MIEF1: variants seen among roughly 807,000 people sequenced by gnomAD.
MIEF1 encodes mitochondrial elongation factor 1, also known as mitochondrial dynamics protein MIEF1.
A neutral mutation model predicts 35.1 loss-of-function variants in MIEF1; 14 were observed. That is an observed-to-expected ratio of 0.40 (90% CI 0.26 to 0.62). The LOEUF is 0.62. Among genes scored for constraint, MIEF1 ranks in the 20% least tolerant of loss-of-function variants. The pLI, the probability that MIEF1 is intolerant of heterozygous loss-of-function variation, is 0.43. For missense variants in MIEF1, 542 were observed against 615.4 expected, an observed-to-expected ratio of 0.88 and a Z score of 1.26; for synonymous variants, 245 against 254.3, an observed-to-expected ratio of 0.96 and a Z score of 0.35.
In MIEF1 at chr22:39,512,432, A is replaced by C. The variant is rs768941796; in HGVS notation, c.523A>C (p.Lys175Gln). The change falls in exon 5 of 6, where the codon AAG becomes CAG. Residue 175 changes from lysine (K) to glutamine (Q), a missense_variant. Coordinates refer to ENST00000325301, the MANE Select transcript of MIEF1 (RefSeq NM_019008.6). ...CGAGCTCCGGAGCTTCCTGCGGGCC[A>C]AGTTGCCTGACATGCCGCTTCGGGA... ...CAELRSFLRA[K>Q]LPDMPLRDMY... is the part of the protein sequence containing the mutation. The C allele has an allele frequency of 4.3e-6, 7 of 1,613,996 alleles. No homozygotes were observed. The highest frequency in any genetic ancestry group is 1.7e-5 in the Admixed American group (1 of 60,004).
rs778983712 is a variant in MIEF1, at chr22:39,512,402, T to C, written c.493T>C (p.Cys165Arg). The C allele has an allele frequency of 2.5e-6, 4 of 1,614,204 alleles. No homozygotes were observed. Among genetic ancestry groups the C allele is most frequent in the South Asian group, 1.1e-5 (1 of 91,090 alleles). The part of the protein sequence containing the change: ...ARAKQAAVDI[C>R]AELRSFLRAK... ...GGCCAAGCAAGCTGCTGTGGACATA[T>C]GTGCCGAGCTCCGGAGCTTCCTGCG... The change falls in exon 5 of 6, where the codon TGT (cysteine) becomes CGT (arginine). Residue 165 changes from cysteine (C) to arginine (R), a missense_variant. Physicochemically the swap from Cys to Arg is radical, Grantham distance 180 (BLOSUM62 -3). Transcript: ENST00000325301.
At chr22:39,505,607 G>A (rs1929975268) in intron 2 of MIEF1, among the ~76,000 whole-genome samples, 1 of 152,210 alleles carries the variant, frequency 6.6e-6, no homozygotes, top group Non-Finnish European at 1.5e-5. Flanking sequence ...TTGACTCCAA[G>A]TTGAGATTGT....
Position 39,514,287 on chromosome 22 carries a change from C to G in MIEF1, c.1356C>G (p.Cys452Trp). Residue 452 changes from cysteine (C) to tryptophan (W), a missense_variant, in exon 6 of 6, where the codon TGC becomes TGG. Transcript: ENST00000325301. ...ACGAATTAGGATACACTCTGTATTGCTCATTGTCTGAGCCAGAGGTGCTGC... is the reference window on the plus strand; with the variant it reads ...ACGAATTAGGATACACTCTGTATTGGTCATTGTCTGAGCCAGAGGTGCTGC... The part of the protein sequence containing the change: ...EIDELGYTLY[C>W]SLSEPEVLLQ... 6.2e-7 allele frequency: 1 copy of G among 1,614,066 alleles called. No individual in the cohort carries two copies. The highest frequency in any genetic ancestry group is 8.5e-7 in the Non-Finnish European group (1 of 1,180,026).
chr22:39,514,521 C>T lies in MIEF1; in HGVS notation c.*198C>T, dbSNP rs1656387305. The T allele has an allele frequency of 3.2e-6, 2 of 616,108 alleles. No individual in the cohort carries two copies. The highest frequency in any genetic ancestry group is 5.6e-6 in the Non-Finnish European group (2 of 355,900). 38.2% of individuals were successfully genotyped at this position (616,108 alleles called of 1,614,324 possible). On this transcript the variant is annotated 3_prime_UTR_variant, in exon 6 of 6. Transcript: ENST00000325301. ...TACCCAACTCTTCCTATTTTTGTTA[C>T]CAATCACTGTGCTCTCTGCCGCCCC...
chr22:39,509,560 T>G (rs1930227871), intron 2 of MIEF1: 1 of 152,326 alleles, frequency 6.6e-6, no homozygotes, highest in Non-Finnish European at 1.5e-5. Flanking sequence ...GGTGCCCAAG[T>G]ACTTCTTTCA....
intron 5 of MIEF1, 95 bp from the exon 6 acceptor site, chr22:39,513,422 T>G: frequency 3.9e-6 from 5 of 1,295,880 alleles, no homozygotes. Flanking sequence ...CCATTCTTGC[T>G]GGGGGGGAAT....
At chr22:39,501,188 G>A (rs572107722), upstream of MIEF1, among the ~76,000 whole-genome samples, 5 of 152,228 alleles carry the variant, frequency 3.3e-5, no homozygotes, top group South Asian at 1.0e-3. Context: ...CTCTTTCCCA[G>A]CTCCTGCTCA....
chr22:39,506,425 A>T (rs1384503536), intron 2 of MIEF1, among the ~76,000 whole-genome samples: 1 of 152,204 alleles, frequency 6.6e-6, no homozygotes, highest in African/African-American at 2.4e-5. Context: ...TTACTGACAC[A>T]GTGACCTTGG....
In MIEF1 at chr22:39,517,259, TAAATTCCAG is replaced by T. The variant is rs1416096450; in HGVS notation, c.*2938_*2946del. 5.0e-6 allele frequency: 1 copy of T among 198,864 alleles called. No individual in the cohort carries two copies. The highest frequency in any genetic ancestry group is 1.1e-5 in the Non-Finnish European group (1 of 94,470). 12.3% of individuals were successfully genotyped at this position (198,864 alleles called of 1,614,324 possible). A position where few individuals can be genotyped will look rare whatever the true frequency, so the allele number is the denominator to read the frequency against. Reference sequence around the variant, plus strand: ...AATGCACTCATTATCTTAAACCTAATAAATTCCAGAGTTTATTTTGGTTCTCCTCTGTTG... The same window carrying T: ...AATGCACTCATTATCTTAAACCTAATAGTTTATTTTGGTTCTCCTCTGTTG... On this transcript the variant is annotated 3_prime_UTR_variant, in exon 6 of 6. Transcript: ENST00000325301.
chr22:39,516,596 G>C lies in MIEF1; in HGVS notation c.*2273G>C, dbSNP rs901277292. ...CAGGCGCCTATAATCCCAGCTACTC[G>C]GGAGGCTGAGGCAGGAGAATAACTT... On this transcript the variant is annotated 3_prime_UTR_variant, in exon 6 of 6. Coordinates refer to ENST00000325301, the MANE Select transcript of MIEF1 (RefSeq NM_019008.6). The C allele has an allele frequency of 6.6e-6, 1 of 152,216 alleles. No individual in the cohort carries two copies. The highest frequency in any genetic ancestry group is 1.9e-4 in the East Asian group (1 of 5,202). The allele number at this position is 152,216 out of a possible 1,614,324, so 9.4% of individuals were successfully genotyped here.
intron 2 of MIEF1, among the ~76,000 whole-genome samples, chr22:39,507,731 G>A (rs1482819212): frequency 6.6e-6 from 1 of 151,864 alleles, no homozygotes; most frequent in East Asian, 2.0e-4. Flanking sequence ...AGGGTGTGGT[G>A]GCTCATGCCT....
intron 3 of MIEF1, 55 bp downstream of exon 3, chr22:39,511,493 G>A (rs1930338316): frequency 6.8e-7 from 1 of 1,477,244 alleles, no homozygotes; most frequent in South Asian, 1.4e-5. Flanking sequence ...GTCATAAGAT[G>A]TAATGTTTTA....
At chr22:39,502,196 A>T (rs565839540), upstream of MIEF1, 19 of 151,318 alleles carry the variant, frequency 1.3e-4, no homozygotes, top group African/African-American at 4.6e-4. Flanking sequence ...GAGGTCACAC[A>T]CGGAGGCGGG....
intron 2 of MIEF1, among the ~76,000 whole-genome samples, chr22:39,509,152 C>T (rs939278690): frequency 3.9e-5 from 6 of 152,176 alleles, no homozygotes; most frequent in Non-Finnish European, 7.4e-5. Context: ...GATGGGGTTT[C>T]ACTATGTTGG....
chr22:39,511,364 C>T lies in MIEF1; in HGVS notation c.70C>T (p.Leu24Phe), dbSNP rs572762304. 1.2e-6 allele frequency: 2 copies of T among 1,613,132 alleles called. No individual in the cohort carries two copies. Among genetic ancestry groups the T allele is most frequent in the African/African-American group, 1.3e-5 (1 of 75,038 alleles). The change falls in exon 3 of 6, where the codon CTC (leucine) becomes TTC (phenylalanine). Residue 24 changes from leucine (L) to phenylalanine (F), a missense_variant. Transcript: ENST00000325301. ...NGIGTAIDFV[L>F]SNARLVLGVG... ...CATTGGCACGGCCATTGACTTTGTG[C>T]TCTCCAATGCCCGGCTGGTGCTGGG...
At position 39,515,290 on chromosome 22, in the gene MIEF1, C is replaced by T. The variant is rs776593195; in HGVS notation, c.*967C>T. On this transcript the variant is annotated 3_prime_UTR_variant, in exon 6 of 6. Transcript: ENST00000325301. ...GGTGAGGATGATGGAGGTAGACAGT[C>T]GACTGAATGTCAGCTGGAAAATCCA... The T allele has an allele frequency of 6.1e-5, 44 of 717,400 alleles. No homozygotes were observed. The highest frequency in any genetic ancestry group is 2.3e-4 in the Middle Eastern group (1 of 4,394). The allele number at this position is 717,400 out of a possible 1,614,324, so 44.4% of individuals were successfully genotyped here. A position where few individuals can be genotyped will look rare whatever the true frequency, so the allele number is the denominator to read the frequency against.
At position 39,515,178 on chromosome 22, in the gene MIEF1, TTCA is replaced by T; in HGVS notation, c.*860_*862del. ...AGGATGGGGACTGCCAGGGCACCACTTCATCATGAATGCTGGTTTTCACACCTT... is the reference window on the plus strand; with the variant it reads ...AGGATGGGGACTGCCAGGGCACCACTTCATGAATGCTGGTTTTCACACCTT... On this transcript the variant is annotated 3_prime_UTR_variant, in exon 6 of 6. Transcript: ENST00000325301. 1 of 672,614 alleles carries T rather than the reference TTCA, an allele frequency of 1.5e-6. No homozygotes were observed. The highest frequency in any genetic ancestry group is 1.7e-5 in the South Asian group (1 of 59,542). 41.7% of individuals were successfully genotyped at this position (672,614 alleles called of 1,614,324 possible).
At position 39,504,893 on chromosome 22, in the gene MIEF1, C is replaced by A. The variant is rs111933465; in HGVS notation, c.-8+359C>A. 5.5e-3 allele frequency among the ~76,000 whole-genome samples: 843 copies of A among 152,232 alleles called. 17 individuals carry two copies. Among genetic ancestry groups the A allele is most frequent in the African/African-American group, 0.019 (793 of 41,544 alleles). The stretch of plus-strand genomic sequence containing the variant: ...TGCCTGGAGTGGGAACTGCAATTTT[C>A]TTTTTTAAGAGACAGGGTTGGCCCG... On this transcript the variant is annotated intron_variant, in intron 2 of 5. Transcript: ENST00000325301.
rs1989272141 is a variant in MIEF1, at chr22:39,516,197, A to T, written c.*1874A>T. The T allele has an allele frequency of 6.6e-6, 1 of 151,644 alleles. No individual in the cohort carries two copies. The highest frequency in any genetic ancestry group is 2.1e-4 in the South Asian group (1 of 4,814). The allele number at this position is 151,644 out of a possible 1,614,324, so 9.4% of individuals were successfully genotyped here. On this transcript the variant is annotated 3_prime_UTR_variant, in exon 6 of 6. Transcript: ENST00000325301. ...AAAAAAATCTGTATGCCTGAGTACCATCCTGGATGAATCTAGAAGGTATGG... is the reference window on the plus strand; with the variant it reads ...AAAAAAATCTGTATGCCTGAGTACCTTCCTGGATGAATCTAGAAGGTATGG...
Sources: allele counts gnomAD v4.1 joint callset (sites outside exome capture counted in the v4.1 genomes callset), GRCh38; gene constraint gnomAD v4.1.1; transcripts MANE v1.5; gene names NCBI Gene and HGNC (gene_info 2026-07-23, HGNC 2026-07-21).